TANK: variants seen among roughly 807,000 people sequenced by gnomAD.
TANK encodes the protein TRAF family member-associated NF-kappa-B activator.
A neutral mutation model predicts 43.6 loss-of-function variants in TANK; 15 were observed. The ratio of observed to expected loss-of-function variants is 0.34; its 90% CI spans 0.23 to 0.53. The LOEUF (loss-of-function observed/expected upper bound fraction) is 0.53, where lower values mean the gene tolerates loss of function less well. Among genes scored for constraint, TANK ranks in the 20% least tolerant of loss-of-function variants. The pLI, the probability that TANK is intolerant of heterozygous loss-of-function variation, is 0.94. For missense variants in TANK, 417 were observed against 498.6 expected, an observed-to-expected ratio of 0.84 and a Z score of 1.56; for synonymous variants, 162 against 178.2, an observed-to-expected ratio of 0.91 and a Z score of 0.73.
intron 4 of TANK, among the ~76,000 whole-genome samples, chr2:161,214,266 A>G (rs1687026079): frequency 6.6e-6 from 1 of 152,154 alleles, no homozygotes; most frequent in Non-Finnish European, 1.5e-5. Flanking sequence ...TGTGTCAGTC[A>G]TTCTTTCAAG....
chr2:161,150,854 G>A (rs951845853), intron 1 of TANK, among the ~76,000 whole-genome samples: 4 of 152,076 alleles, frequency 2.6e-5, no homozygotes, highest in Non-Finnish European at 4.4e-5. Context: ...ACCTCCCAAA[G>A]TCCTGGGATT....
intron 4 of TANK, chr2:161,212,371 C>G (rs1686933320): frequency 1.0e-6 from 1 of 984,406 alleles, no homozygotes; most frequent in Admixed American, 6.2e-5. Flanking sequence ...GATACACAAA[C>G]TCTTAAGAAA....
chr2:161,198,896 G>A (rs1686278975), intron 2 of TANK, among the ~76,000 whole-genome samples: 1 of 152,284 alleles, frequency 6.6e-6, no homozygotes, highest in East Asian at 1.9e-4. Flanking sequence ...GGGTGGGAAC[G>A]TACAGGGCTT....
intron 2 of TANK, among the ~76,000 whole-genome samples, chr2:161,194,321 G>A (rs935972500): frequency 6.6e-6 from 1 of 151,710 alleles, no homozygotes; most frequent in African/African-American, 2.4e-5. Context: ...TTCTCTTCTT[G>A]CCCCCTCTTG....
At chr2:161,163,332 C>T (rs1451711159) in intron 1 of TANK, 2 of 152,110 alleles carry the variant, frequency 1.3e-5, no homozygotes, top group Non-Finnish European at 2.9e-5. Flanking sequence ...GGAGTAAATA[C>T]AATTGAATGA....
At chr2:161,178,844 A>G (rs1685292216) in intron 1 of TANK, among the ~76,000 whole-genome samples, 1 of 152,158 alleles carries the variant, frequency 6.6e-6, no homozygotes, top group Admixed American at 6.6e-5. Flanking sequence ...ATTAAGAGAA[A>G]GGTCCTGTGT....
At chr2:161,193,161 T>G (rs1188910766) in intron 2 of TANK, among the ~76,000 whole-genome samples, 1 of 152,226 alleles carries the variant, frequency 6.6e-6, no homozygotes. Flanking sequence ...GGGTTCACAG[T>G]CAAATACTGC....
At chr2:161,231,647 C>T in intron 7 of TANK, 96 bp downstream of exon 7, 1 of 1,131,770 alleles carries the variant, frequency 8.8e-7, no homozygotes, top group Non-Finnish European at 1.3e-6. Flanking sequence ...ATCAAACATC[C>T]TTTTTAAACT....
At chr2:161,230,189 T>G (rs1687839083) in intron 6 of TANK, among the ~76,000 whole-genome samples, 1 of 152,218 alleles carries the variant, frequency 6.6e-6, no homozygotes, top group African/African-American at 2.4e-5. Context: ...CATCTATCTA[T>G]GAACCTTGTG....
chr2:161,203,534 A>G lies in TANK; in HGVS notation c.147A>G (p.Ser49=). 1 of 1,612,844 alleles carries G rather than the reference A, an allele frequency of 6.2e-7. No individual in the cohort carries two copies. The highest frequency in any genetic ancestry group is 8.5e-7 in the Non-Finnish European group (1 of 1,179,524). The change falls in exon 3 of 8, where the codon TCA becomes TCG. Residue 49 remains serine (S), a synonymous_variant. Transcript: ENST00000392749. ...TACGTGAACAACAGGAACAGCTGTC[A>G]CTTCAACAGACTATTATTGACAAGC... ...QRIREQQEQL[S]LQQTIIDKLK...
chr2:161,174,843 A>G (rs1231190176), intron 1 of TANK, among the ~76,000 whole-genome samples: 1 of 152,188 alleles, frequency 6.6e-6, no homozygotes, highest in South Asian at 2.1e-4. Flanking sequence ...TGAGCAGTGC[A>G]TAAGAAATGC....
intron 2 of TANK, among the ~76,000 whole-genome samples, chr2:161,185,066 A>G (rs1685595534): frequency 6.6e-6 from 1 of 152,128 alleles, no homozygotes; most frequent in Non-Finnish European, 1.5e-5. Context: ...AGGTTAAGCA[A>G]TTTGAGACGC....
intron 1 of TANK, among the ~76,000 whole-genome samples, chr2:161,146,704 T>C (rs1386268136): frequency 6.6e-6 from 1 of 152,196 alleles, no homozygotes; most frequent in Non-Finnish European, 1.5e-5. Flanking sequence ...CTCCTTCCTC[T>C]GGGATCTCTG....
At chr2:161,169,957 C>T (rs984831000) in intron 1 of TANK, among the ~76,000 whole-genome samples, 28 of 152,226 alleles carry the variant, frequency 1.8e-4, no homozygotes, top group Admixed American at 4.6e-4. Context: ...ATCTTTGTTC[C>T]GACCCTAACC....
chr2:161,142,887 A>C (rs1489629685), intron 1 of TANK, among the ~76,000 whole-genome samples: 1 of 152,148 alleles, frequency 6.6e-6, no homozygotes, highest in Non-Finnish European at 1.5e-5. Context: ...TGATGGAAAT[A>C]GCATTGAGTC....
At chr2:161,155,731 T>C (rs112884819), upstream of TANK, among the ~76,000 whole-genome samples, 1 of 152,328 alleles carries the variant, frequency 6.6e-6, no homozygotes, top group African/African-American at 2.4e-5. Context: ...GAAGCCTTCC[T>C]TCACCCTCTC....
chr2:161,216,505 T>TC (rs1687122801), intron 4 of TANK: 1 of 434,570 alleles, frequency 2.3e-6, no homozygotes, highest in Admixed American at 2.8e-5. Flanking sequence ...CTACTTTTTT[T>TC]CTTTTTGATA....
chr2:161,155,959 A>T, upstream of TANK: 1 of 734,546 alleles, frequency 1.4e-6, no homozygotes, highest in Non-Finnish European at 1.7e-6. Flanking sequence ...TTCACTGATT[A>T]AATTAATGAC....
chr2:161,146,493 G>A (rs1683914069), intron 1 of TANK, among the ~76,000 whole-genome samples: 1 of 152,112 alleles, frequency 6.6e-6, no homozygotes. Context: ...CCTTGGATGG[G>A]GTTTTTGTGG....
Sources: gnomAD v4.1 joint callset for allele counts (sites outside exome capture counted in the v4.1 genomes callset) on GRCh38, gnomAD v4.1.1 for gene constraint, MANE v1.5 for transcripts, NCBI Gene and HGNC (gene_info 2026-07-23, HGNC 2026-07-21) for gene names.